Variants in CEP57 observed in about 807,000 individuals in gnomAD.
CEP57 encodes the protein centrosomal protein of 57 kDa.
Under a neutral mutation model 68.0 loss-of-function variants are expected in CEP57, and 40 were observed. That is an observed-to-expected ratio of 0.59 (90% CI 0.46 to 0.77). The LOEUF is 0.77. Among genes scored for constraint, CEP57 ranks in the 30% least tolerant of loss-of-function variants. The pLI is 0.00. For synonymous variants in CEP57, 219 were observed against 198.7 expected, an observed-to-expected ratio of 1.10 and a Z score of -0.86; for missense variants, 606 against 580.7, an observed-to-expected ratio of 1.04 and a Z score of -0.45.
chr11:95,811,418 C>T (rs1237314284), intron 2 of CEP57, among the ~76,000 whole-genome samples: 15 of 73,066 alleles, frequency 2.1e-4, no homozygotes, highest in Admixed American at 8.4e-4. Context: ...CATCACACAC[C>T]GGGGCCTGTC....
At chr11:95,790,939 A>G (rs1861017065) in intron 1 of CEP57, among the ~76,000 whole-genome samples, 196 bp downstream of exon 1, 1 of 152,186 alleles carries the variant, frequency 6.6e-6, no homozygotes, top group Non-Finnish European at 1.5e-5. Flanking sequence ...CTCCCAGTGA[A>G]ACTGGGCTGG....
intron 6 of CEP57, among the ~76,000 whole-genome samples, chr11:95,819,235 A>C (rs961942796): frequency 6.6e-6 from 1 of 152,206 alleles, no homozygotes; most frequent in Non-Finnish European, 1.5e-5. Context: ...TTTAAAAGCT[A>C]TCTTTCAGTA....
chr11:95,827,873 C>T lies in CEP57; in HGVS notation c.973C>T (p.Arg325Ter), dbSNP rs745587374. 2 of 1,613,992 alleles carry T rather than the reference C, an allele frequency of 1.2e-6. No homozygotes were observed. Among genetic ancestry groups the T allele is most frequent in the Non-Finnish European group, 1.7e-6 (2 of 1,179,988 alleles). The change falls in exon 9 of 11, where the codon CGA becomes TGA. Residue 325 changes from arginine to a stop codon, truncating the protein, a stop_gained. Coordinates refer to ENST00000325542, the MANE Select transcript of CEP57 (RefSeq NM_014679.5). LOFTEE classifies it high-confidence loss of function. ...KQHSKALCND[R>*]VINSIPLAKQ... ...ACACAGTAAAGCTTTGTGCAATGAT[C>T]GAGTCATCAACAGTATTCCTTTGGC...
chr11:95,812,536 G>A (rs1247481648), intron 2 of CEP57, among the ~76,000 whole-genome samples: 2 of 151,770 alleles, frequency 1.3e-5, no homozygotes, highest in Non-Finnish European at 2.9e-5. Flanking sequence ...CACCCCACCC[G>A]GGTTCAAGCG....
In CEP57 at chr11:95,799,259, A is replaced by C; in HGVS notation, c.73A>C (p.Asn25His). The C allele has an allele frequency of 6.2e-7, 1 of 1,614,184 alleles. No individual in the cohort carries two copies. The highest frequency in any genetic ancestry group is 8.5e-7 in the Non-Finnish European group (1 of 1,180,018). ...SNSFAEPSRSNGSMVRHSSSP... is the reference protein window; with the variant it reads ...SNSFAEPSRSHGSMVRHSSSP... Reference sequence around the variant, plus strand: ...CAGCTTTGCTGAGCCATCAAGGTCTAATGGAAGCATGGTTCGGCATTCTTC... The same window carrying C: ...CAGCTTTGCTGAGCCATCAAGGTCTCATGGAAGCATGGTTCGGCATTCTTC... Residue 25 changes from asparagine to histidine, a missense_variant, in exon 2 of 11, where the codon AAT becomes CAT. Asn to His is a moderately conservative substitution (Grantham distance 68). Transcript: ENST00000325542.
At chr11:95,797,963 G>A (rs1413602390) in intron 1 of CEP57, among the ~76,000 whole-genome samples, 2 of 152,152 alleles carry the variant, frequency 1.3e-5, no homozygotes, top group East Asian at 1.9e-4. Context: ...CAGTAATTGA[G>A]GATGCTTTGC....
rs1234302330 is a variant in CEP57, at chr11:95,812,884, C to G, written c.203-48C>G. On this transcript the variant is annotated intron_variant, in intron 2 of 10. Coordinates refer to ENST00000325542, the MANE Select transcript of CEP57 (RefSeq NM_014679.5). Reference sequence around the variant, plus strand: ...AGTTTATTCTTTCTTAATATACTTTCTCCGCATATGCTGTTACAGCATCCA... The same window carrying G: ...AGTTTATTCTTTCTTAATATACTTTGTCCGCATATGCTGTTACAGCATCCA... 6.6e-6 allele frequency: 10 copies of G among 1,522,778 alleles called. No individual in the cohort carries two copies. In the Admixed American group the frequency reaches 1.5e-4, roughly 23 times the overall value. 94.3% of individuals were successfully genotyped at this position (1,522,778 alleles called of 1,614,324 possible).
chr11:95,827,473 C>T, intron 8 of CEP57: 1 of 321,838 alleles, frequency 3.1e-6, no homozygotes, highest in Non-Finnish European at 5.9e-6. Flanking sequence ...GCTAATACAC[C>T]AAAAAAATGT....
intron 4 of CEP57, among the ~76,000 whole-genome samples, chr11:95,814,747 CTA>C (rs1298187592): frequency 1.3e-5 from 2 of 152,014 alleles, no homozygotes; most frequent in Non-Finnish European, 2.9e-5. Flanking sequence ...CATCTTAACT[CTA>C]TTATAAAATC....
intron 1 of CEP57, among the ~76,000 whole-genome samples, chr11:95,793,938 C>G: frequency 6.6e-6 from 1 of 152,136 alleles, no homozygotes; most frequent in East Asian, 1.9e-4. Context: ...CCTTGGAGAT[C>G]TCCAAGACCC....
intron 8 of CEP57, among the ~76,000 whole-genome samples, chr11:95,825,095 T>TGG (rs1204960862): frequency 6.6e-6 from 1 of 152,142 alleles, no homozygotes; most frequent in African/African-American, 2.4e-5. Flanking sequence ...TGTGTCTAAT[T>TGG]CACCCTCTGG....
At chr11:95,799,463 A>T (rs1216467874) in intron 2 of CEP57, 75 bp downstream of exon 2, 2 of 1,564,422 alleles carry the variant, frequency 1.3e-6, no homozygotes, top group Non-Finnish European at 1.8e-6. Flanking sequence ...GTCCTCCATT[A>T]TTTTGCCATT....
At position 95,831,136 on chromosome 11, in the gene CEP57, TAAG is replaced by T; in HGVS notation, c.1386_1388del (p.Lys463del). 4.3e-6 allele frequency: 7 copies of T among 1,613,270 alleles called. No homozygotes were observed. The highest frequency in any genetic ancestry group is 3.3e-5 in the Admixed American group (2 of 59,962). ...GTTCTGGAATCACAGGGACCACAAA[TAAG>T]AAAGATTTTATGAAACTGAGACCTG... On this transcript the variant is annotated inframe_deletion, in exon 11 of 11. Transcript: ENST00000325542.
At chr11:95,824,979 C>T (rs1339066348) in intron 8 of CEP57, among the ~76,000 whole-genome samples, 1 of 152,196 alleles carries the variant, frequency 6.6e-6, no homozygotes, top group African/African-American at 2.4e-5. Context: ...CAGTAAGAGA[C>T]TGCCTTTTAA....
intron 1 of CEP57, among the ~76,000 whole-genome samples, chr11:95,793,472 T>C (rs1223104170): frequency 6.6e-6 from 1 of 152,226 alleles, no homozygotes; most frequent in Non-Finnish European, 1.5e-5. Context: ...AAAAATGTTT[T>C]ATGGCTATCA....
intron 2 of CEP57, among the ~76,000 whole-genome samples, chr11:95,806,427 G>T (rs573758): frequency 0.28 from 42,362 of 152,116 alleles, 7,082 homozygotes; most frequent in Non-Finnish European, 0.38. Context: ...GCAGGGTGTT[G>T]TCTCACCCGG....
At chr11:95,809,550 C>T (rs1861958886) in intron 2 of CEP57, among the ~76,000 whole-genome samples, 1 of 152,124 alleles carries the variant, frequency 6.6e-6, no homozygotes. Flanking sequence ...TACAGACTAC[C>T]ATCAGCGAAT....
intron 2 of CEP57, among the ~76,000 whole-genome samples, chr11:95,802,375 C>T (rs1861620205): frequency 6.6e-6 from 1 of 151,856 alleles, no homozygotes; most frequent in African/African-American, 2.4e-5. Context: ...CTGCCTCAGC[C>T]TCCTGAGTAG....
intron 4 of CEP57, chr11:95,815,172 CT>C (rs1862252002): frequency 6.6e-6 from 1 of 152,176 alleles, no homozygotes; most frequent in Non-Finnish European, 1.5e-5. Context: ...ACCGTGTATG[CT>C]TTCTACCCTC....
Sources: gnomAD v4.1 joint callset for allele counts (sites outside exome capture counted in the v4.1 genomes callset) on GRCh38, gnomAD v4.1.1 for gene constraint, MANE v1.5 for transcripts, NCBI Gene and HGNC (gene_info 2026-07-23, HGNC 2026-07-21) for gene names.